Variants in NALCN observed in about 807,000 individuals in gnomAD.
The protein encoded by NALCN is sodium leak channel NALCN.
Under a neutral mutation model 225.3 loss-of-function variants are expected in NALCN, and 111 were observed. That is an observed-to-expected ratio of 0.49 (90% CI 0.42 to 0.58). NALCN has a LOEUF of 0.58. Among genes scored for constraint, NALCN ranks in the 20% least tolerant of loss-of-function variants. The pLI, the probability that NALCN is intolerant of heterozygous loss-of-function variation, is 0.00. For missense variants in NALCN, 1,378 were observed against 2,202.4 expected (o/e 0.63, Z 7.49); for synonymous variants, 764 against 769.0 (o/e 0.99, Z 0.11).
At chr13:101,346,487 G>A (rs920678962) in intron 6 of NALCN, among the ~76,000 whole-genome samples, 3 of 152,054 alleles carry the variant, frequency 2.0e-5, no homozygotes, top group African/African-American at 7.2e-5. Flanking sequence ...AATGATACTT[G>A]TCCTTCTGAG....
chr13:101,220,348 G>A (rs904296411), intron 13 of NALCN, among the ~76,000 whole-genome samples: 3 of 152,162 alleles, frequency 2.0e-5, no homozygotes, highest in Admixed American at 1.3e-4. Flanking sequence ...TGCGTCTGAC[G>A]ACAAATCTAG....
chr13:101,104,597 A>T lies in NALCN; in HGVS notation c.2690T>A (p.Ile897Asn). ...AAACATCATGGAAATGCAAGAGCAG[A>T]TGGTTACGATGATCATGACCCAGTC... is the stretch of plus-strand genomic sequence containing the variant. ...YLDWVMIIVTICSCISMMFES... is the reference protein window; with the variant it reads ...YLDWVMIIVTNCSCISMMFES... The change falls in exon 24 of 44, where the codon ATC becomes AAC. Residue 897 changes from isoleucine to asparagine, a missense_variant. By Grantham distance (149) the Ile-to-Asn change is moderately radical. Transcript: ENST00000251127. This position sits in a 1 kb window ranked among gnomAD's most constrained non-coding sequence, Gnocchi z 4.2. The T allele has an allele frequency of 6.2e-7, 1 of 1,614,028 alleles. No homozygotes were observed. The highest frequency in any genetic ancestry group is 8.5e-7 in the Non-Finnish European group (1 of 1,179,930).
intron 28 of NALCN, 119 bp downstream of exon 28, chr13:101,095,455 A>T: frequency 1.3e-6 from 1 of 762,934 alleles, no homozygotes; most frequent in Non-Finnish European, 2.1e-6. Context: ...TGTATGACTT[A>T]AGATCATTTT....
intron 2 of NALCN, among the ~76,000 whole-genome samples, chr13:101,397,942 T>G (rs1276966793): frequency 6.6e-6 from 1 of 151,838 alleles, no homozygotes. Context: ...TCAGAGGAGC[T>G]GGGAAAGGGT....
chr13:101,318,432 T>G (rs1163559542), intron 7 of NALCN, among the ~76,000 whole-genome samples: 1 of 152,146 alleles, frequency 6.6e-6, no homozygotes, highest in Non-Finnish European at 1.5e-5. Flanking sequence ...ATGAACATTA[T>G]TAGAACACAG....
Position 101,292,377 on chromosome 13 carries a change from A to G in NALCN, c.800-11T>C, listed in dbSNP as rs201385472. ...TGAATATACTAGTTCCTGTCATGAC[A>G]GAGGAGGACAGACTGAGTCACAGCT... On this transcript the variant is annotated splice_polypyrimidine_tract_variant and intron_variant, in intron 7 of 43. Transcript: ENST00000251127. The surrounding 1 kb of genome is among the most constrained non-coding windows in gnomAD (Gnocchi z 4.3). 27 of 1,607,138 alleles carry G rather than the reference A, an allele frequency of 1.7e-5. No individual in the cohort carries two copies. Among genetic ancestry groups the G allele is most frequent in the Middle Eastern group, 1.7e-4 (1 of 6,040 alleles).
chr13:101,388,927 A>G (rs937926648), intron 3 of NALCN, among the ~76,000 whole-genome samples: 1 of 152,206 alleles, frequency 6.6e-6, no homozygotes, highest in South Asian at 2.1e-4. Flanking sequence ...TGACAGGGCC[A>G]TTCATGGCCC....
chr13:101,317,651 G>A (rs1009754877), intron 7 of NALCN, among the ~76,000 whole-genome samples: 1 of 152,120 alleles, frequency 6.6e-6, no homozygotes, highest in African/African-American at 2.4e-5. Context: ...CGACTCCTGT[G>A]ATTTTGTGGT....
At position 101,104,243 on chromosome 13, in the gene NALCN, A is replaced by G. The variant is rs932940051; in HGVS notation, c.2889+52T>C. 6.5e-7 allele frequency: 1 copy of G among 1,549,100 alleles called. No homozygotes were observed. Among genetic ancestry groups the G allele is most frequent in the Admixed American group, 2.1e-5 (1 of 48,710 alleles). On this transcript the variant is annotated intron_variant, in intron 25 of 43. Transcript: ENST00000251127. The surrounding 1 kb of genome is among the most constrained non-coding windows in gnomAD (Gnocchi z 4.2). The stretch of plus-strand genomic sequence containing the variant: ...TTGCGCTTATACCAAGAAATGCAGG[A>G]GATTTTACAAAACCATTACATTTTT...
chr13:101,190,232 T>C (rs999415243), intron 14 of NALCN, among the ~76,000 whole-genome samples: 6 of 152,198 alleles, frequency 3.9e-5, no homozygotes, highest in African/African-American at 1.4e-4. Context: ...TTGATTACTA[T>C]AAAATAATTA....
chr13:101,395,439 G>T, intron 2 of NALCN, 74 bp from the exon 3 acceptor site: 1 of 1,434,538 alleles, frequency 7.0e-7, no homozygotes, highest in Non-Finnish European at 9.5e-7. Context: ...ACCACACTAA[G>T]TGGAAAACAT....
chr13:101,307,618 C>A (rs919000807), intron 7 of NALCN, among the ~76,000 whole-genome samples: 1 of 152,118 alleles, frequency 6.6e-6, no homozygotes, highest in Non-Finnish European at 1.5e-5. Context: ...AAATTCCTGT[C>A]TGGTATACTT....
intron 6 of NALCN, among the ~76,000 whole-genome samples, chr13:101,345,825 T>C (rs115868065): frequency 0.02 from 2,914 of 143,710 alleles, 121 homozygotes; most frequent in African/African-American, 0.071. Context: ...CTTGCTCTTA[T>C]GTTGTAGATA....
intron 22 of NALCN, among the ~76,000 whole-genome samples, chr13:101,107,207 A>G (rs1184032738): frequency 1.3e-5 from 2 of 152,262 alleles, no homozygotes; most frequent in African/African-American, 2.4e-5. Flanking sequence ...ATATGGAGTT[A>G]ATAATGCCGA....
intron 13 of NALCN, among the ~76,000 whole-genome samples, chr13:101,222,357 C>T (rs1476497920): frequency 6.6e-6 from 1 of 152,080 alleles, no homozygotes; most frequent in African/African-American, 2.4e-5. Flanking sequence ...CTCCTTCAAC[C>T]CGCTATCTCT....
intron 12 of NALCN, among the ~76,000 whole-genome samples, chr13:101,233,957 T>C (rs2140145061): frequency 6.6e-6 from 1 of 152,290 alleles, no homozygotes; most frequent in African/African-American, 2.4e-5. Flanking sequence ...ACATCAATCA[T>C]GCACCCACCT....
chr13:101,161,675 C>A (rs1364239038), intron 15 of NALCN, among the ~76,000 whole-genome samples: 1 of 152,156 alleles, frequency 6.6e-6, no homozygotes, highest in Non-Finnish European at 1.5e-5. Flanking sequence ...AGTTCAAGAC[C>A]AGCCTGGCCA....
intron 17 of NALCN, among the ~76,000 whole-genome samples, chr13:101,133,580 T>C (rs2036618774): frequency 6.6e-6 from 1 of 152,200 alleles, no homozygotes; most frequent in African/African-American, 2.4e-5. Context: ...GAAGGTGGTA[T>C]CTCATTTGAC....
At chr13:101,299,474 G>C (rs2043875207) in intron 7 of NALCN, among the ~76,000 whole-genome samples, 1 of 151,722 alleles carries the variant, frequency 6.6e-6, no homozygotes, top group South Asian at 2.1e-4. Context: ...AAGCTTTCAG[G>C]TTTTTCTTCT....
Sources: gnomAD v4.1 joint callset for allele counts (sites outside exome capture counted in the v4.1 genomes callset) on GRCh38, gnomAD v4.1.1 for gene constraint, Gnocchi (gnomAD v3.1) non-coding constraint, MANE v1.5 for transcripts, NCBI Gene and HGNC (gene_info 2026-07-23, HGNC 2026-07-21) for gene names.